MACROD1: variants seen among roughly 807,000 people sequenced by gnomAD.
MACROD1 encodes the protein ADP-ribose glycohydrolase MACROD1.
In MACROD1, 31 loss-of-function variants were observed where a neutral mutation model predicts 41.4. The ratio of observed to expected loss-of-function variants is 0.75; its 90% CI spans 0.56 to 1.01. MACROD1 has a LOEUF of 1.01. MACROD1 is among the 50% of genes least tolerant of loss of function. The pLI, the probability that MACROD1 is intolerant of heterozygous loss-of-function variation, is 0.00. For synonymous variants in MACROD1, 252 were observed against 203.4 expected, an observed-to-expected ratio of 1.24 and a Z score of -2.03; for missense variants, 473 against 460.0, an observed-to-expected ratio of 1.03 and a Z score of -0.26.
intron 3 of MACROD1, among the ~76,000 whole-genome samples, chr11:64,073,651 C>T (rs12420892): frequency 0.3 from 45,795 of 152,134 alleles, 8,531 homozygotes; most frequent in Non-Finnish European, 0.41. Context: ...ACGTCTGGGC[C>T]GGGAGCCTGT....
chr11:64,165,218 C>A (rs903274660), intron 1 of MACROD1, among the ~76,000 whole-genome samples: 1 of 152,226 alleles, frequency 6.6e-6, no homozygotes, highest in Non-Finnish European at 1.5e-5. Flanking sequence ...ACGCCAGCCC[C>A]GGAGCTGTTC....
chr11:64,075,241 C>T (rs555002655), intron 3 of MACROD1, among the ~76,000 whole-genome samples: 8 of 152,374 alleles, frequency 5.3e-5, no homozygotes, highest in African/African-American at 1.9e-4. Context: ...CTCAGGGACT[C>T]CTGGACCATG....
intron 3 of MACROD1, among the ~76,000 whole-genome samples, chr11:64,058,447 C>T (rs1943833850): frequency 6.6e-6 from 1 of 152,248 alleles, no homozygotes; most frequent in Non-Finnish European, 1.5e-5. Context: ...CGAGGGGGCA[C>T]CTGTAGCTGC....
intron 10 of MACROD1, 28 bp downstream of exon 10, chr11:63,998,810 C>A: frequency 6.7e-7 from 1 of 1,500,484 alleles, no homozygotes; most frequent in East Asian, 2.3e-5. Flanking sequence ...AGGGCCGGGG[C>A]CGCCGCACGG....
intron 3 of MACROD1, among the ~76,000 whole-genome samples, chr11:64,135,861 C>T (rs1945324318): frequency 6.6e-6 from 1 of 152,206 alleles, no homozygotes; most frequent in South Asian, 2.1e-4. Flanking sequence ...ACCAGGGAAG[C>T]CTCGTTGGCA....
intron 3 of MACROD1, among the ~76,000 whole-genome samples, chr11:64,059,672 G>C (rs79580724): frequency 0.011 from 1,712 of 152,316 alleles, 33 homozygotes; most frequent in African/African-American, 0.039. Flanking sequence ...CAGTGGTGCA[G>C]ATGGGGAAAC....
chr11:64,124,034 TAA>T (rs1251277707), intron 3 of MACROD1, among the ~76,000 whole-genome samples: 1 of 152,180 alleles, frequency 6.6e-6, no homozygotes, highest in African/African-American at 2.4e-5. Flanking sequence ...CCATGTTGTT[TAA>T]AGTCACTGGT....
intron 1 of MACROD1, among the ~76,000 whole-genome samples, chr11:64,158,619 G>A (rs535770357): frequency 6.6e-6 from 1 of 152,258 alleles, no homozygotes; most frequent in East Asian, 1.9e-4. Context: ...TGAGGAAACT[G>A]AGGCTTGGAG....
intron 3 of MACROD1, among the ~76,000 whole-genome samples, chr11:64,094,999 C>T (rs1425744871): frequency 6.6e-6 from 1 of 152,158 alleles, no homozygotes; most frequent in East Asian, 1.9e-4. Flanking sequence ...CTTCAAAGAG[C>T]CTCGTTATTA....
At chr11:64,035,179 A>C (rs897514680) in intron 3 of MACROD1, among the ~76,000 whole-genome samples, 3 of 152,170 alleles carry the variant, frequency 2.0e-5, no homozygotes, top group African/African-American at 4.8e-5. Context: ...GGTCACAGTC[A>C]GCTGGGGATG....
At chr11:64,063,882 G>T (rs1245598436) in intron 3 of MACROD1, among the ~76,000 whole-genome samples, 1 of 152,350 alleles carries the variant, frequency 6.6e-6, no homozygotes, top group East Asian at 1.9e-4. Flanking sequence ...CCCCAGAGAG[G>T]GTGGTGGAGG....
At chr11:64,158,421 T>C (rs1181478639) in intron 1 of MACROD1, among the ~76,000 whole-genome samples, 1 of 152,196 alleles carries the variant, frequency 6.6e-6, no homozygotes. Flanking sequence ...TAATTTTATT[T>C]TTAGGAGAGA....
chr11:64,093,982 G>A (rs1012247769), intron 3 of MACROD1, among the ~76,000 whole-genome samples: 4 of 152,220 alleles, frequency 2.6e-5, no homozygotes, highest in African/African-American at 7.2e-5. Context: ...ACGGTGCCAG[G>A]GGAGCCTGAG....
chr11:64,112,249 C>A (rs1375787935), intron 3 of MACROD1, among the ~76,000 whole-genome samples: 1 of 152,210 alleles, frequency 6.6e-6, no homozygotes, highest in Admixed American at 6.5e-5. Context: ...GGCACTGTGG[C>A]TCACCTGTAA....
chr11:64,107,649 C>T (rs1944787210), intron 3 of MACROD1, among the ~76,000 whole-genome samples: 1 of 152,230 alleles, frequency 6.6e-6, no homozygotes, highest in Non-Finnish European at 1.5e-5. Context: ...AGCCCCCATG[C>T]ATCACAAGTT....
chr11:64,145,319 GAATT>G (rs1171686141), intron 3 of MACROD1, among the ~76,000 whole-genome samples: 2 of 152,140 alleles, frequency 1.3e-5, no homozygotes, highest in Admixed American at 6.5e-5. Flanking sequence ...CCTCCTTGCA[GAATT>G]AATTGGTCCC....
chr11:64,121,970 TA>T lies in MACROD1; in HGVS notation c.517+29268del, dbSNP rs5792313. Among the ~76,000 whole-genome samples the T allele has an allele frequency of 2.3e-3, 306 of 134,460 alleles. 1 individual carries two copies. Among genetic ancestry groups the T allele is most frequent in the Middle Eastern group, 3.6e-3 (1 of 274 alleles). 88.2% of individuals were successfully genotyped at this position (134,460 alleles called of 152,430 possible). On this transcript the variant is annotated intron_variant, in intron 3 of 10. Transcript: ENST00000255681. Reference sequence around the variant, plus strand: ...TGGCAATTTTCCTTTAAATCTCCCCTAAAAAAAAAAAAGGAAAGGAAAGAAA... The same window carrying T: ...TGGCAATTTTCCTTTAAATCTCCCCTAAAAAAAAAAAGGAAAGGAAAGAAA...
chr11:64,143,507 TA>T (rs1274458153), intron 3 of MACROD1, among the ~76,000 whole-genome samples: 2 of 151,988 alleles, frequency 1.3e-5, no homozygotes, highest in African/African-American at 4.8e-5. Flanking sequence ...GGACACAGGA[TA>T]CCGGGCAGGC....
chr11:64,136,883 G>A lies in MACROD1; in HGVS notation c.517+14356C>T, dbSNP rs566544238. Reference sequence around the variant, plus strand: ...CTCCCCAAGTCTCTGCAGGGATGGGGGGATGAGGAAGTGGGGGTGCCAGCC... The same window carrying A: ...CTCCCCAAGTCTCTGCAGGGATGGGAGGATGAGGAAGTGGGGGTGCCAGCC... On this transcript the variant is annotated intron_variant, in intron 3 of 10. Coordinates refer to ENST00000255681, the MANE Select transcript of MACROD1 (RefSeq NM_014067.4). Among the ~76,000 whole-genome samples the A allele has an allele frequency of 5.9e-5, 9 of 152,348 alleles. No homozygotes were observed. In the East Asian group the frequency reaches 1.7e-3, roughly 29 times the overall value.
Sources: gnomAD v4.1 joint callset for allele counts (sites outside exome capture counted in the v4.1 genomes callset) on GRCh38, gnomAD v4.1.1 for gene constraint, MANE v1.5 for transcripts, NCBI Gene and HGNC (gene_info 2026-07-23, HGNC 2026-07-21) for gene names.